The following TCEANC variants were observed in gnomAD, a reference collection of about 807,000 sequenced individuals.
The protein encoded by TCEANC is transcription elongation factor A N-terminal and central domain containing.
In TCEANC, 8 loss-of-function variants were observed where a neutral mutation model predicts 8.7. That is an observed-to-expected ratio of 0.92 (90% CI 0.54 to 1.65). TCEANC has a LOEUF of 1.65. Among genes scored for constraint, TCEANC ranks in the 40% most tolerant of loss-of-function variants. The probability of loss-of-function intolerance (pLI) is 0.00; values close to 1 mark genes in which losing one functional copy is unlikely to be tolerated. For synonymous variants in TCEANC, 78 were observed against 92.9 expected, an observed-to-expected ratio of 0.84 and a Z score of 0.92; for missense variants, 255 against 251.9, an observed-to-expected ratio of 1.01 and a Z score of -0.08.
chrX:13,664,064 G>A (rs776067162), exon 2 of TCEANC: 1 of 124,312 alleles, frequency 8.0e-6, no homozygotes, highest in Non-Finnish European at 1.9e-5. Context: ...TGGGACCCAG[G>A]CATCAACATT....
At chrX:13,663,404 G>A (rs975203888) in exon 2 of TCEANC, 6 of 1,187,797 alleles carry the variant, frequency 5.1e-6, no homozygotes, top group African/African-American at 1.7e-5. Context: ...AAATGCAGAC[G>A]CTGTGAGAAA....
chrX:13,663,180 C>T (rs1289344200), exon 2 of TCEANC: 1 of 1,205,880 alleles, frequency 8.3e-7, no homozygotes, highest in South Asian at 1.8e-5. Context: ...AAACTTGCAT[C>T]AGAAGCAAAG....
At chrX:13,654,833 TTTTGTTTG>T (rs67785561), upstream of TCEANC, among the ~76,000 whole-genome samples, 21 of 107,672 alleles carry the variant, frequency 2.0e-4, no homozygotes, top group African/African-American at 6.1e-4. Flanking sequence ...ACCATGGTTT[TTTTGTTTG>T]TTTGTTTGTT....
At chrX:13,653,392 T>A (rs2045898316), upstream of TCEANC, 1 of 111,892 alleles carries the variant, frequency 8.9e-6, no homozygotes. Context: ...TCGCTGTTTG[T>A]GTGCTGGGTG....
chrX:13,653,215 G>A (rs761538054), upstream of TCEANC: 9 of 113,060 alleles, frequency 8.0e-5, no homozygotes, highest in South Asian at 7.2e-4. Context: ...GTTTGCCAGG[G>A]CCTGTGTCCC....
intron 1 of TCEANC, among the ~76,000 whole-genome samples, chrX:13,657,336 C>G (rs2045930720): frequency 8.9e-6 from 1 of 111,882 alleles, no homozygotes; most frequent in Non-Finnish European, 1.9e-5. Context: ...TCGCAAACTC[C>G]TAGGATGATC....
At chrX:13,664,304 C>T in exon 2 of TCEANC, 2 of 125,056 alleles carry the variant, frequency 1.6e-5, no homozygotes. Context: ...CTCACTGAGA[C>T]TGGCTCAATA....
upstream of TCEANC, among the ~76,000 whole-genome samples, chrX:13,654,307 CTA>C (rs2045906895): frequency 8.9e-6 from 1 of 112,761 alleles, no homozygotes; most frequent in African/African-American, 3.2e-5. Flanking sequence ...GGTCAACAAA[CTA>C]TGGCCTGCAG....
exon 2 of TCEANC, chrX:13,662,527 A>T (rs745379439): frequency 3.0e-5 from 36 of 1,209,838 alleles, no homozygotes; most frequent in Non-Finnish European, 4.0e-5. Context: ...CAAGAACCAG[A>T]TAGCTGCCAG....
chrX:13,664,093 GTTA>G (rs769518035), exon 2 of TCEANC: 1 of 123,581 alleles, frequency 8.1e-6, no homozygotes, highest in South Asian at 3.8e-4. Context: ...CATTCCTCAA[GTTA>G]TTTTAAGATG....
chrX:13,654,626 A>G, upstream of TCEANC, among the ~76,000 whole-genome samples: 1 of 112,231 alleles, frequency 8.9e-6, no homozygotes, highest in East Asian at 2.8e-4. Flanking sequence ...CACTTTATCA[A>G]GACTTTCATT....
Position 13,663,329 on chromosome X carries a change from C to T in TCEANC, c.821C>T (p.Thr274Met), listed in dbSNP as rs755901692. Reference sequence around the variant, plus strand: ...CTGAAGCAGTTGAGAGCCTCCTACACGGAATCTTGTATCCAGGAACATTAC... The same window carrying T: ...CTGAAGCAGTTGAGAGCCTCCTACATGGAATCTTGTATCCAGGAACATTAC... Residue 274 changes from threonine (T) to methionine (M), a missense_variant, in exon 2 of 2, where the codon ACG becomes ATG. Thr to Met is a moderately conservative substitution (Grantham distance 81). Transcript: ENST00000380600. 5.0e-5 allele frequency: 60 copies of T among 1,194,561 alleles called. No homozygotes were observed. The highest frequency in any genetic ancestry group is 6.2e-5 in the Non-Finnish European group (55 of 886,972).
At chrX:13,664,176 G>A (rs1331939345) in exon 2 of TCEANC, 1 of 123,354 alleles carries the variant, frequency 8.1e-6, no homozygotes, top group Non-Finnish European at 1.9e-5. Context: ...AGACAAGAAT[G>A]TTATTCCAGG....
intron 1 of TCEANC, among the ~76,000 whole-genome samples, chrX:13,656,203 AC>A (rs1166240239): frequency 8.9e-6 from 1 of 111,982 alleles, no homozygotes; most frequent in Non-Finnish European, 1.9e-5. Flanking sequence ...TTGAAATTCC[AC>A]ATGTGTTGTA....
intron 1 of TCEANC, among the ~76,000 whole-genome samples, 160 bp downstream of exon 3, chrX:13,659,928 C>G (rs972555154): frequency 7.2e-5 from 8 of 111,772 alleles, no homozygotes; most frequent in Non-Finnish European, 1.9e-5. Flanking sequence ...CCCAGCCTGT[C>G]TTAAGCCTTT....
Position 13,657,477 on chromosome X carries a change from C to T in TCEANC, c.-9+2104C>T, listed in dbSNP as rs189313274. Among the ~76,000 whole-genome samples, 976 of 112,330 alleles carry T rather than the reference C, an allele frequency of 8.7e-3. 8 individuals carry two copies. Among genetic ancestry groups the T allele is most frequent in the African/African-American group, 0.03 (917 of 30,965 alleles). ...AAGATTAAACAGTTATATAATCCAG[C>T]AGATTCAAGATAAATGAAAACATAT... On this transcript the variant is annotated intron_variant, in intron 1 of 1. Transcript: ENST00000380600.
chrX:13,662,237 C>G (rs1317791400), intron 1 of TCEANC, among the ~76,000 whole-genome samples: 1 of 111,829 alleles, frequency 8.9e-6, no homozygotes, highest in Non-Finnish European at 1.9e-5. Context: ...AGCAGATCCT[C>G]CGGCAAGCCT....
chrX:13,656,142 G>A (rs1342028918), intron 1 of TCEANC, among the ~76,000 whole-genome samples: 1 of 112,145 alleles, frequency 8.9e-6, no homozygotes, highest in Non-Finnish European at 1.9e-5. Context: ...CCCAGATAGG[G>A]TTTGGTGCCA....
chrX:13,654,813 C>T (rs771433401), upstream of TCEANC, among the ~76,000 whole-genome samples: 5 of 102,378 alleles, frequency 4.9e-5, no homozygotes, highest in South Asian at 2.0e-3. Context: ...TTCATTAGCC[C>T]ACAGTGGGCA....
Sources: allele counts gnomAD v4.1 joint callset (sites outside exome capture counted in the v4.1 genomes callset), GRCh38; gene constraint gnomAD v4.1.1; transcripts MANE v1.5; gene names NCBI Gene and HGNC (gene_info 2026-07-23, HGNC 2026-07-21).